Variants in MARCHF8 observed in about 807,000 individuals in gnomAD.
MARCHF8 encodes membrane associated ring-CH-type finger 8.
In MARCHF8, 40 loss-of-function variants were observed where a neutral mutation model predicts 51.6. That is an observed-to-expected ratio of 0.77 (90% CI 0.60 to 1.01). The LOEUF is 1.01. Ranked by LOEUF, MARCHF8 falls within the 50% of genes least tolerant of loss-of-function variation. The pLI, the probability that MARCHF8 is intolerant of heterozygous loss-of-function variation, is 0.00. For synonymous variants in MARCHF8, 263 were observed against 280.3 expected (o/e 0.94, Z 0.62); for missense variants, 685 against 708.6 (o/e 0.97, Z 0.38).
At chr10:45,513,377 A>G (rs2133208713) in intron 2 of MARCHF8, among the ~76,000 whole-genome samples, 1 of 152,228 alleles carries the variant, frequency 6.6e-6, no homozygotes, top group African/African-American at 2.4e-5. Flanking sequence ...ACCACCTACT[A>G]TGAGCCAGGT....
At chr10:45,474,452 C>A (rs2042750961) in intron 3 of MARCHF8, among the ~76,000 whole-genome samples, 1 of 151,718 alleles carries the variant, frequency 6.6e-6, no homozygotes. Flanking sequence ...CCCATCCCCA[C>A]CCCTCCCTTC....
At chr10:45,517,039 CA>C (rs2043631155) in intron 2 of MARCHF8, among the ~76,000 whole-genome samples, 1 of 152,128 alleles carries the variant, frequency 6.6e-6, no homozygotes, top group Non-Finnish European at 1.5e-5. Context: ...ATTGTAAAAG[CA>C]AATTAAAAGG....
chr10:45,497,712 A>C (rs1475203328), intron 2 of MARCHF8, among the ~76,000 whole-genome samples: 2 of 152,214 alleles, frequency 1.3e-5, no homozygotes, highest in Admixed American at 1.3e-4. Context: ...TCACCAAAAA[A>C]AAACTAGAAA....
intron 1 of MARCHF8, among the ~76,000 whole-genome samples, chr10:45,547,658 C>A (rs570829682): frequency 4.6e-5 from 7 of 151,912 alleles, no homozygotes; most frequent in African/African-American, 1.7e-4. Flanking sequence ...GGCACTGCTA[C>A]GGGAAGGACT....
chr10:45,509,442 C>T (rs1345862268), intron 2 of MARCHF8, among the ~76,000 whole-genome samples: 1 of 152,152 alleles, frequency 6.6e-6, no homozygotes, highest in African/African-American at 2.4e-5. Flanking sequence ...CTGCTTGAGC[C>T]CTCCAAAGTT....
chr10:45,505,895 A>C lies in MARCHF8; in HGVS notation c.103-16478T>G, dbSNP rs77597363. ...TCTTTGACACGGACTGATGAGTTTT[A>C]TAATTCTGTATTTGCCATGGCCCCA... On this transcript the variant is annotated intron_variant, in intron 2 of 7. Transcript: ENST00000453424. Among the ~76,000 whole-genome samples, 577 of 152,356 alleles carry C rather than the reference A, an allele frequency of 3.8e-3. 12 individuals carry two copies. The East Asian group carries it at 0.053, about 14-fold the overall frequency.
At chr10:45,534,994 T>A (rs1016363486) in intron 1 of MARCHF8, among the ~76,000 whole-genome samples, 1 of 152,292 alleles carries the variant, frequency 6.6e-6, no homozygotes, top group Middle Eastern at 3.4e-3. Context: ...AATAATAATC[T>A]GTTTATAAAG....
At chr10:45,536,635 G>A (rs2043973929), upstream of MARCHF8, among the ~76,000 whole-genome samples, 1 of 151,534 alleles carries the variant, frequency 6.6e-6, no homozygotes. Flanking sequence ...GAAAAAGTTT[G>A]CAAATCATAT....
chr10:45,473,535 C>T (rs2042732269), intron 3 of MARCHF8, among the ~76,000 whole-genome samples: 1 of 152,174 alleles, frequency 6.6e-6, no homozygotes, highest in African/African-American at 2.4e-5. Context: ...AGAAGGCTTC[C>T]CTGGGGATAA....
Position 45,463,545 on chromosome 10 carries a change from C to T in MARCHF8, c.694G>A (p.Glu232Lys). The T allele has an allele frequency of 6.4e-7, 1 of 1,550,660 alleles. No homozygotes were observed. The highest frequency in any genetic ancestry group is 8.7e-7 in the Non-Finnish European group (1 of 1,147,004). ...SAGRSTASEV[E>K]AGKGGRPGLL... Reference sequence around the variant, plus strand: ...CCGGGCCTGCCCCCCTTGCCAGCTTCCACCTCTGAGGCAGTTGAGCGACCG... The same window carrying T: ...CCGGGCCTGCCCCCCTTGCCAGCTTTCACCTCTGAGGCAGTTGAGCGACCG... Residue 232 changes from glutamate to lysine, a missense_variant, in exon 5 of 8, where the codon GAA becomes AAA. Transcript: ENST00000453424.
chr10:45,535,747 TTA>T, upstream of MARCHF8, among the ~76,000 whole-genome samples: 1 of 152,320 alleles, frequency 6.6e-6, no homozygotes, highest in East Asian at 1.9e-4. Flanking sequence ...CAAACATCTT[TTA>T]TATCAACTAA....
chr10:45,570,645 G>A (rs931089532), intron 1 of MARCHF8, among the ~76,000 whole-genome samples: 3 of 152,122 alleles, frequency 2.0e-5, no homozygotes, highest in Non-Finnish European at 4.4e-5. Context: ...GAAATACTAC[G>A]CATAAATATT....
Position 45,505,853 on chromosome 10 carries a change from A to C in MARCHF8, c.103-16436T>G, listed in dbSNP as rs146284097. Among the ~76,000 whole-genome samples, 81 of 152,362 alleles carry C rather than the reference A, an allele frequency of 5.3e-4. 1 individual carries two copies. The East Asian group carries it at 0.014, about 26-fold the overall frequency. On this transcript the variant is annotated intron_variant, in intron 2 of 7. Transcript: ENST00000453424. ...ACGAATCAATTAAGAATTCATGCTC[A>C]CTGGGAAGAGAGCAACTCTTTGACA...
intron 3 of MARCHF8, among the ~76,000 whole-genome samples, chr10:45,483,396 C>A (rs1589104415): frequency 6.6e-6 from 1 of 152,152 alleles, no homozygotes. Context: ...TGCTCAGCAT[C>A]CCTAATCATC....
At chr10:45,466,996 T>C (rs1842990691) in intron 3 of MARCHF8, among the ~76,000 whole-genome samples, 1 of 152,196 alleles carries the variant, frequency 6.6e-6, no homozygotes, top group Admixed American at 6.5e-5. Context: ...GTTCCCCATG[T>C]GTGTGCACTT....
At chr10:45,511,919 T>C (rs2043517516) in intron 2 of MARCHF8, among the ~76,000 whole-genome samples, 1 of 146,762 alleles carries the variant, frequency 6.8e-6, no homozygotes, top group African/African-American at 2.6e-5. Flanking sequence ...GTCTGGAAAG[T>C]GAGGAGCGCC....
chr10:45,562,295 C>T (rs572339152), intron 1 of MARCHF8, among the ~76,000 whole-genome samples: 1 of 152,240 alleles, frequency 6.6e-6, no homozygotes, highest in Admixed American at 6.5e-5. Flanking sequence ...ATTTAAGAAG[C>T]ACAACATACA....
intron 1 of MARCHF8, among the ~76,000 whole-genome samples, chr10:45,587,431 GAACT>G (rs1220827625): frequency 6.6e-6 from 1 of 152,066 alleles, no homozygotes; most frequent in Non-Finnish European, 1.5e-5. Flanking sequence ...AGAAATTAAA[GAACT>G]AAATAAATGG....
intron 2 of MARCHF8, among the ~76,000 whole-genome samples, chr10:45,516,443 C>G (rs758105681): frequency 9.9e-5 from 15 of 152,074 alleles, no homozygotes; most frequent in Non-Finnish European, 1.9e-4. Flanking sequence ...AGCCACTGTG[C>G]CTGGCTCAAA....
Sources: allele counts gnomAD v4.1 joint callset (sites outside exome capture counted in the v4.1 genomes callset), GRCh38; gene constraint gnomAD v4.1.1; transcripts MANE v1.5; gene names NCBI Gene and HGNC (gene_info 2026-07-23, HGNC 2026-07-21).